RARB: variants seen among roughly 807,000 people sequenced by gnomAD.
RARB encodes HBV-activated protein.
In RARB, 17 loss-of-function variants were observed where a neutral mutation model predicts 51.9. The observed-to-expected ratio is 0.33, with a 90% confidence interval of 0.22 to 0.49. The LOEUF (loss-of-function observed/expected upper bound fraction) is 0.49. RARB is among the 20% of genes least tolerant of loss of function. RARB has a pLI of 0.99. For missense variants in RARB, 369 were observed against 550.8 expected (o/e 0.67, Z 3.30); for synonymous variants, 215 against 195.4 (o/e 1.10, Z -0.84).
intron 2 of RARB, among the ~76,000 whole-genome samples, chr3:25,029,584 G>A (rs752117487): frequency 2.6e-5 from 4 of 152,092 alleles, no homozygotes; most frequent in Non-Finnish European, 4.4e-5. Flanking sequence ...TCAAATGTGC[G>A]GTCAGTGGGG....
chr3:25,421,395 CTTCTTTTCTTTTTTTT>C (rs1707855734), intron 5 of RARB, among the ~76,000 whole-genome samples: 1 of 92,194 alleles, frequency 1.1e-5, no homozygotes. Context: ...AACATTTTTT[CTTCTTTTCTTTTTTTT>C]TTTTTTTTTT....
chr3:25,481,134 C>T (rs1696204157), intron 2 of RARB, among the ~76,000 whole-genome samples: 1 of 152,160 alleles, frequency 6.6e-6, no homozygotes, highest in African/African-American at 2.4e-5. Flanking sequence ...GTTCTCCAGA[C>T]ATTTCACTAC....
At position 25,544,812 on chromosome 3, in the gene RARB, A is replaced by G. The variant is rs6790531; in HGVS notation, c.449-24946A>G. Among the ~76,000 whole-genome samples, 851 of 151,294 alleles carry G rather than the reference A, an allele frequency of 5.6e-3. 7 individuals carry two copies. Among genetic ancestry groups the G allele is most frequent in the African/African-American group, 0.02 (804 of 41,194 alleles). On this transcript the variant is annotated intron_variant, in intron 3 of 7. Coordinates refer to ENST00000330688, the MANE Select transcript of RARB (RefSeq NM_000965.5). ...TCTGGAGTGTGTAGATTTTTGTCCTAAACTGAAGTCAGTTTTTCAAGCAGT... is the reference window on the plus strand; with the variant it reads ...TCTGGAGTGTGTAGATTTTTGTCCTGAACTGAAGTCAGTTTTTCAAGCAGT...
intron 5 of RARB, among the ~76,000 whole-genome samples, chr3:25,211,713 C>T (rs1388745143): frequency 6.6e-6 from 1 of 152,082 alleles, no homozygotes; most frequent in Non-Finnish European, 1.5e-5. Context: ...GTCATGTGGT[C>T]TTTTGTAACT....
Position 25,314,808 on chromosome 3 carries a change from C to A in RARB, c.178+140233C>A, listed in dbSNP as rs916330897. 2.0e-5 allele frequency among the ~76,000 whole-genome samples: 3 copies of A among 152,102 alleles called. No individual in the cohort carries two copies. The East Asian group carries it at 5.8e-4, about 29-fold the overall frequency. ...TTGATCCTATCACCCAGGTGGTGAGCGTAGTACCCAGTAATTTTTCAGTCC... is the reference window on the plus strand; with the variant it reads ...TTGATCCTATCACCCAGGTGGTGAGAGTAGTACCCAGTAATTTTTCAGTCC... On this transcript the variant is annotated intron_variant, in intron 5 of 11. Transcript: ENST00000383772.
At chr3:25,068,550 G>A (rs928859064) in intron 3 of RARB, among the ~76,000 whole-genome samples, 6 of 152,164 alleles carry the variant, frequency 3.9e-5, no homozygotes, top group African/African-American at 1.4e-4. Flanking sequence ...TCTGGTTAAT[G>A]ACATCAAGAA....
intron 2 of RARB, among the ~76,000 whole-genome samples, chr3:24,895,127 C>T (rs143388356): frequency 9.0e-4 from 137 of 152,224 alleles, no homozygotes; most frequent in African/African-American, 2.7e-3. Context: ...GCTAAGTTTT[C>T]ACAAGAATCA....
At chr3:25,490,582 G>A (rs1696684129) in intron 2 of RARB, among the ~76,000 whole-genome samples, 1 of 152,000 alleles carries the variant, frequency 6.6e-6, no homozygotes, top group South Asian at 2.1e-4. Flanking sequence ...TTTCTCCCCC[G>A]CTTCTCAGTA....
intron 1 of RARB, among the ~76,000 whole-genome samples, chr3:25,445,050 A>G (rs1409472071): frequency 6.6e-6 from 1 of 152,042 alleles, no homozygotes; most frequent in Admixed American, 6.5e-5. Context: ...CCCGGGTTCA[A>G]GTGATTCTCC....
chr3:25,392,072 G>A (rs1706977707), intron 5 of RARB, among the ~76,000 whole-genome samples: 1 of 152,258 alleles, frequency 6.6e-6, no homozygotes, highest in East Asian at 1.9e-4. Flanking sequence ...TTTGTATGAA[G>A]TGAGAGATCA....
At chr3:25,417,578 G>A (rs1707740918) in intron 5 of RARB, among the ~76,000 whole-genome samples, 1 of 152,166 alleles carries the variant, frequency 6.6e-6, no homozygotes, top group Admixed American at 6.5e-5. Flanking sequence ...CATGTGAGAT[G>A]TGCCTTTCAC....
chr3:25,403,089 G>A (rs1707308186), intron 5 of RARB, among the ~76,000 whole-genome samples: 1 of 151,490 alleles, frequency 6.6e-6, no homozygotes, highest in Non-Finnish European at 1.5e-5. Flanking sequence ...CTTGAACCAG[G>A]GAGGCAGAGG....
At chr3:25,477,313 G>A (rs1463518253) in intron 2 of RARB, among the ~76,000 whole-genome samples, 1 of 152,220 alleles carries the variant, frequency 6.6e-6, no homozygotes, top group Non-Finnish European at 1.5e-5. Context: ...CATGGGGTAG[G>A]TGACTCAAGA....
chr3:25,042,420 A>G (rs1698131599), intron 2 of RARB, among the ~76,000 whole-genome samples: 1 of 152,204 alleles, frequency 6.6e-6, no homozygotes, highest in African/African-American at 2.4e-5. Flanking sequence ...TAAGTGCTTT[A>G]ACACCCAGTA....
intron 5 of RARB, among the ~76,000 whole-genome samples, chr3:25,192,468 T>A (rs998715561): frequency 6.6e-6 from 1 of 152,150 alleles, no homozygotes; most frequent in Non-Finnish European, 1.5e-5. Context: ...ACTTTTAATA[T>A]GCCTGTAATA....
chr3:25,073,724 GA>G (rs1698816369), intron 3 of RARB, among the ~76,000 whole-genome samples: 1 of 152,058 alleles, frequency 6.6e-6, no homozygotes, highest in Non-Finnish European at 1.5e-5. Context: ...AGTAGATGTT[GA>G]AAAAGAAACA....
chr3:24,979,876 C>G (rs1696605330), intron 2 of RARB, among the ~76,000 whole-genome samples: 1 of 152,142 alleles, frequency 6.6e-6, no homozygotes, highest in Non-Finnish European at 1.5e-5. Context: ...CATCAATGGT[C>G]TTTACAATTT....
intron 4 of RARB, among the ~76,000 whole-genome samples, chr3:25,135,118 C>T (rs7636453): frequency 0.82 from 123,544 of 151,050 alleles, 50,669 homozygotes; most frequent in Non-Finnish European, 0.85. Context: ...CTTTGAAGCA[C>T]ACTATCCAGA....
intron 3 of RARB, among the ~76,000 whole-genome samples, chr3:25,113,967 C>T (rs952002942): frequency 2.6e-5 from 4 of 152,134 alleles, no homozygotes; most frequent in South Asian, 2.1e-4. Flanking sequence ...CTAGATTTTA[C>T]GTTTGAAGGA....
Sources: allele counts gnomAD v4.1 joint callset (sites outside exome capture counted in the v4.1 genomes callset), GRCh38; gene constraint gnomAD v4.1.1; transcripts MANE v1.5; gene names NCBI Gene and HGNC (gene_info 2026-07-23, HGNC 2026-07-21).